Variants in RPLP0 observed in about 807,000 individuals in gnomAD.
The protein encoded by RPLP0 is large ribosomal subunit protein uL10.
For missense variants in RPLP0, 276 were observed against 402.9 expected, an observed-to-expected ratio of 0.69 and a Z score of 2.70; for synonymous variants, 137 against 153.4, an observed-to-expected ratio of 0.89 and a Z score of 0.79.
chr12:120,200,942 C>T, intron 1 of RPLP0, 111 bp from the exon 2 acceptor site: 1 of 1,314,476 alleles, frequency 7.6e-7, no homozygotes, highest in Non-Finnish European at 1.0e-6. Flanking sequence ...CCTAGGGCAG[C>T]GGCCGTCATC....
At chr12:120,200,263 G>C (rs544808988) in intron 2 of RPLP0, 1 of 366,540 alleles carries the variant, frequency 2.7e-6, no homozygotes, top group East Asian at 7.6e-5. Flanking sequence ...AAGAGATCGA[G>C]ACCATCCTGG....
intron 2 of RPLP0, chr12:120,200,477 T>C (rs369842578): frequency 2.1e-6 from 1 of 469,026 alleles, no homozygotes. Context: ...AAAAAAAGTA[T>C]AAAGCGCGCT....
At chr12:120,199,808 T>C in intron 2 of RPLP0, 1 of 359,742 alleles carries the variant, frequency 2.8e-6, no homozygotes, top group Non-Finnish European at 5.3e-6. Flanking sequence ...TCCAAGTAAG[T>C]TGGTCAAGAG....
At chr12:120,201,003 C>G (rs897493001) in intron 1 of RPLP0, 80 bp downstream of exon 1, 1 of 678,366 alleles carries the variant, frequency 1.5e-6, no homozygotes, top group Non-Finnish European at 2.3e-6. Flanking sequence ...GAATAGGACT[C>G]CATGTTCCCA....
rs750179515 is a variant in RPLP0, at chr12:120,196,945, G to A, written c.793-11C>T. 13 of 1,612,932 alleles carry A rather than the reference G, an allele frequency of 8.1e-6. No homozygotes were observed. Among genetic ancestry groups the A allele is most frequent in the African/African-American group, 4.0e-5 (3 of 74,892 alleles). Reference sequence around the variant, plus strand: ...CAAGAAGGCCTTGACCTGAAAGGAGGGGGGAAGTGGTCAAAATGGTCATCC... The same window carrying A: ...CAAGAAGGCCTTGACCTGAAAGGAGAGGGGAAGTGGTCAAAATGGTCATCC... On this transcript the variant is annotated splice_polypyrimidine_tract_variant and intron_variant, in intron 7 of 7. Transcript: ENST00000392514.
Position 120,197,415 on chromosome 12 carries a change from A to G in RPLP0, c.699T>C (p.Thr233=). Residue 233 remains threonine, a synonymous_variant, in exon 7 of 8, where the codon ACT becomes ACC. Coordinates refer to ENST00000392514, the MANE Select transcript of RPLP0 (RefSeq NM_001002.4). ...ASVCLQIGYP[T]VASVPHSIIN... ...TGATAGAATGGGGTACTGATGCAAC[A>G]GTTGGGTAGCCAATCTGCAGACAGA... 1 of 1,613,954 alleles carries G rather than the reference A, an allele frequency of 6.2e-7. No homozygotes were observed. The highest frequency in any genetic ancestry group is 8.5e-7 in the Non-Finnish European group (1 of 1,179,858).
chr12:120,200,660 C>T, intron 2 of RPLP0, 70 bp downstream of exon 2: 1 of 1,538,054 alleles, frequency 6.5e-7, no homozygotes, highest in Non-Finnish European at 8.8e-7. Flanking sequence ...ACCCTCAGCA[C>T]ATAGCAGCTG....
Position 120,199,455 on chromosome 12 carries a change from T to A in RPLP0, c.85A>T (p.Ile29Phe). 6.2e-7 allele frequency: 1 copy of A among 1,614,012 alleles called. No individual in the cohort carries two copies. Among genetic ancestry groups the A allele is most frequent in the Non-Finnish European group, 8.5e-7 (1 of 1,180,020 alleles). The part of the protein sequence containing the change: ...QLLDDYPKCF[I>F]VGADNVGSKQ... Reference sequence around the variant, plus strand: ...GAGCCCACATTGTCTGCTCCCACAATGAAACATTTCGGATAATCATCCAAT... The same window carrying A: ...GAGCCCACATTGTCTGCTCCCACAAAGAAACATTTCGGATAATCATCCAAT... The change falls in exon 3 of 8, where the codon ATT becomes TTT. Residue 29 changes from isoleucine (I) to phenylalanine (F), a missense_variant. Coordinates refer to ENST00000392514, the MANE Select transcript of RPLP0 (RefSeq NM_001002.4).
intron 1 of RPLP0, 71 bp from the exon 2 acceptor site, chr12:120,200,902 C>A (rs1879430806): frequency 6.8e-7 from 1 of 1,476,944 alleles, no homozygotes; most frequent in South Asian, 1.3e-5. Flanking sequence ...CTAAGAGGAG[C>A]AGGACACGCG....
chr12:120,197,259 G>T, intron 7 of RPLP0, 63 bp downstream of exon 7: 1 of 1,439,514 alleles, frequency 6.9e-7, no homozygotes, highest in Non-Finnish European at 9.8e-7. Flanking sequence ...AAGGTAGAAG[G>T]CCACATCACC....
rs1879308729 is a variant in RPLP0 at position 120,199,326 on chromosome 12, T to C, written c.214A>G (p.Asn72Asp). 1 of 1,614,072 alleles carries C rather than the reference T, an allele frequency of 6.2e-7. No individual in the cohort carries two copies. Among genetic ancestry groups the C allele is most frequent in the Non-Finnish European group, 8.5e-7 (1 of 1,180,032 alleles). Residue 72 changes from asparagine (N) to aspartate (D), a missense_variant, in exon 3 of 8, where the codon AAC becomes GAC. By Grantham distance (23) the Asn-to-Asp change is conservative. Transcript: ENST00000392514. Reference protein sequence around the residue: ...RKAIRGHLENNPALEKLLPHI... With the variant: ...RKAIRGHLENDPALEKLLPHI... ...GGAACTGACTTCTCCAGAGCTGGGT[T>C]GTTTTCCAGGTGCCCTCGGATGGCC...
intron 2 of RPLP0, chr12:120,200,247 G>GA (rs1188491195): frequency 2.6e-6 from 1 of 379,118 alleles, no homozygotes; most frequent in Non-Finnish European, 5.3e-6. Flanking sequence ...GGTGGATCAT[G>GA]AAGTCAAGAG....
intron 7 of RPLP0, 133 bp downstream of exon 7, chr12:120,197,189 A>C: frequency 9.7e-7 from 1 of 1,031,924 alleles, no homozygotes; most frequent in South Asian, 1.5e-5. Flanking sequence ...CTGCCTCCCA[A>C]CCTCTCAAAT....
At chr12:120,200,905 G>C in intron 1 of RPLP0, 74 bp from the exon 2 acceptor site, 1 of 1,455,260 alleles carries the variant, frequency 6.9e-7, no homozygotes, top group Non-Finnish European at 9.1e-7. Flanking sequence ...AGAGGAGCAG[G>C]ACACGCGCAA....
rs1203432888 is a variant in RPLP0, at chr12:120,196,818, C to T, written c.909G>A (p.Glu303=). 6.2e-7 allele frequency: 1 copy of T among 1,600,584 alleles called. No homozygotes were observed. The highest frequency in any genetic ancestry group is 8.5e-7 in the Non-Finnish European group (1 of 1,170,322). The change falls in exon 8 of 8, where the codon GAG becomes GAA. Residue 303 remains glutamate, a synonymous_variant. Coordinates refer to ENST00000392514, the MANE Select transcript of RPLP0 (RefSeq NM_001002.4). ...AAPAKVEAKE[E]SEESDEDMGF... ...CCATATCCTCGTCCGACTCCTCCGA[C>T]TCTTCCTTGGCTTCAACCTTAGCTG... is the stretch of plus-strand genomic sequence containing the variant.
chr12:120,198,287 A>G lies in RPLP0; in HGVS notation c.651+267T>C. ...GTAGTCCCAGCTACTCAGGAGGCTG[A>G]GGCAGGAGAATGGTGTGAACCCGGA... On this transcript the variant is annotated intron_variant, in intron 6 of 7. Transcript: ENST00000392514. This position sits in a 1 kb window ranked among gnomAD's most constrained non-coding sequence, Gnocchi z 4.1. 1 of 404,960 alleles carries G rather than the reference A, an allele frequency of 2.5e-6. No individual in the cohort carries two copies. The highest frequency in any genetic ancestry group is 2.5e-5 in the South Asian group (1 of 40,172). The allele number at this position is 404,960 out of a possible 1,614,324, so 25.1% of individuals were successfully genotyped here.
In RPLP0 at chr12:120,201,079, G is replaced by A. The variant is rs527503227; in HGVS notation, c.-49+4C>T. On this transcript the variant is annotated splice_donor_region_variant and intron_variant, in intron 1 of 7. Transcript: ENST00000392514. ...CCTGGCGCCCATCTAACTAGCACAC[G>A]AACCTTCCACGAGGACGCCTGGCGA... 1.0e-4 allele frequency: 40 copies of A among 387,058 alleles called. No individual in the cohort carries two copies. The highest frequency in any genetic ancestry group is 7.7e-4 in the African/African-American group (37 of 48,236). The allele number at this position is 387,058 out of a possible 1,614,324, so 24.0% of individuals were successfully genotyped here.
intron 2 of RPLP0, 62 bp downstream of exon 2, chr12:120,200,668 C>T: frequency 6.4e-7 from 1 of 1,565,444 alleles, no homozygotes; most frequent in South Asian, 1.2e-5. Context: ...CACATAGCAG[C>T]TGACTGTCCC....
chr12:120,198,814 C>T lies in RPLP0; in HGVS notation c.465+40G>A. On this transcript the variant is annotated intron_variant, in intron 5 of 7. Coordinates refer to ENST00000392514, the MANE Select transcript of RPLP0 (RefSeq NM_001002.4). This position sits in a 1 kb window ranked among gnomAD's most constrained non-coding sequence, Gnocchi z 4.1. Reference sequence around the variant, plus strand: ...ATCCATGGCCACTAAAAGCAGCTCCCCATTTGCCTGGTTAGCACAGGCAAA... The same window carrying T: ...ATCCATGGCCACTAAAAGCAGCTCCTCATTTGCCTGGTTAGCACAGGCAAA... 6 of 1,612,766 alleles carry T rather than the reference C, an allele frequency of 3.7e-6. No homozygotes were observed. Among genetic ancestry groups the T allele is most frequent in the Non-Finnish European group, 5.1e-6 (6 of 1,178,756 alleles).
Sources: gnomAD v4.1 joint callset for allele counts on GRCh38, gnomAD v4.1.1 for gene constraint, Gnocchi (gnomAD v3.1) non-coding constraint, MANE v1.5 for transcripts, NCBI Gene and HGNC (gene_info 2026-07-23, HGNC 2026-07-21) for gene names.